The following PALM3 variants were observed in gnomAD, a reference collection of about 807,000 sequenced individuals.
PALM3 encodes paralemmin 3, also known as paralemmin-3.
A neutral mutation model predicts 27.9 loss-of-function variants in PALM3; 20 were observed. The observed-to-expected ratio is 0.72, with a 90% confidence interval of 0.50 to 1.04. PALM3 has a LOEUF of 1.04. PALM3 is among the 50% of genes least tolerant of loss of function. The pLI, the probability that PALM3 is intolerant of heterozygous loss-of-function variation, is 0.00. For synonymous variants in PALM3, 328 were observed against 352.7 expected (o/e 0.93, Z 0.79); for missense variants, 814 against 869.4 (o/e 0.94, Z 0.80).
intron 1 of PALM3, among the ~76,000 whole-genome samples, chr19:14,061,537 C>G (rs1435317482): frequency 2.0e-5 from 3 of 152,172 alleles, no homozygotes; most frequent in Non-Finnish European, 4.4e-5. Flanking sequence ...TTGTCTTTCT[C>G]AGGCTGGGAG....
chr19:14,059,035 C>G, intron 2 of PALM3, 80 bp downstream of exon 2: 1 of 1,348,608 alleles, frequency 7.4e-7, no homozygotes, highest in Non-Finnish European at 9.8e-7. Flanking sequence ...GGGCGCTCTC[C>G]GCAGAGATGA....
At chr19:14,056,953 T>C in intron 3 of PALM3, 149 bp from the exon 4 acceptor site, 1 of 809,690 alleles carries the variant, frequency 1.2e-6, no homozygotes, top group East Asian at 2.7e-5. Flanking sequence ...ATGGCCACAG[T>C]GCCCCCCAAC....
chr19:14,053,394 G>C lies in PALM3; in HGVS notation c.*211C>G. On this transcript the variant is annotated 3_prime_UTR_variant, in exon 7 of 7. Coordinates refer to ENST00000669674, the MANE Select transcript of PALM3 (RefSeq NM_001145028.2). ...GAGTGCTTTCACATTTTATTTTCAA[G>C]TATAAAGGCTTCATCGCAGAAGGAG... is the stretch of plus-strand genomic sequence containing the variant. 2 of 481,618 alleles carry C rather than the reference G, an allele frequency of 4.2e-6. No homozygotes were observed. The highest frequency in any genetic ancestry group is 7.6e-5 in the Admixed American group (2 of 26,310). 29.8% of individuals were successfully genotyped at this position (481,618 alleles called of 1,614,324 possible).
chr19:14,054,668 T>C lies in PALM3; in HGVS notation c.1004A>G (p.Asp335Gly), dbSNP rs1211760774. ...ACCCTCAGGGCTGCCCTGGGGCACA[T>C]CTTCCCCTTCTATGGAAGCTGCTGC... The part of the protein sequence containing the change: ...LEAAASIEGE[D>G]VPQGSPEGDG... Residue 335 changes from aspartate to glycine, a missense_variant, in exon 7 of 7, where the codon GAT (aspartate) becomes GGT (glycine). Asp to Gly is a moderately conservative substitution (Grantham distance 94, BLOSUM62 -1). Coordinates refer to ENST00000669674, the MANE Select transcript of PALM3 (RefSeq NM_001145028.2). 3.9e-6 allele frequency: 6 copies of C among 1,551,224 alleles called. No individual in the cohort carries two copies. The highest frequency in any genetic ancestry group is 5.2e-6 in the Non-Finnish European group (6 of 1,146,776).
intron 1 of PALM3, among the ~76,000 whole-genome samples, chr19:14,061,512 C>T (rs1030984200): frequency 6.6e-6 from 1 of 152,128 alleles, no homozygotes; most frequent in Non-Finnish European, 1.5e-5. Flanking sequence ...GGAGGTCATC[C>T]TTGCAATGTT....
At position 14,056,740 on chromosome 19, in the gene PALM3, T is replaced by C. The variant is rs540010197; in HGVS notation, c.236A>G (p.Asp79Gly). 1 of 1,551,484 alleles carries C rather than the reference T, an allele frequency of 6.4e-7. No individual in the cohort carries two copies. Among genetic ancestry groups the C allele is most frequent in the East Asian group, 2.4e-5 (1 of 40,914 alleles). ...TGACTGGGGGTCCTTCGAGGTGGGG[T>C]CTTCGGATGGCTCTGGCACTGCAGC... ...GAAAVPEPSEDPTSKDPQSPE... is the reference protein window; with the variant it reads ...GAAAVPEPSEGPTSKDPQSPE... Residue 79 changes from aspartate (D) to glycine (G), a missense_variant, in exon 4 of 7, where the codon GAC (aspartate) becomes GGC (glycine). Asp to Gly is a moderately conservative substitution (Grantham distance 94). Coordinates refer to ENST00000669674, the MANE Select transcript of PALM3 (RefSeq NM_001145028.2).
intron 2 of PALM3, among the ~76,000 whole-genome samples, chr19:14,058,682 A>G (rs1388992646): frequency 1.3e-5 from 2 of 151,862 alleles, no homozygotes; most frequent in Non-Finnish European, 2.9e-5. Flanking sequence ...GGAAGGATGC[A>G]GGACAGAGAT....
chr19:14,054,993 C>A lies in PALM3; in HGVS notation c.679G>T (p.Ala227Ser), dbSNP rs776163754. The A allele has an allele frequency of 3.9e-6, 6 of 1,548,264 alleles. No individual in the cohort carries two copies. The South Asian group carries it at 7.2e-5, about 19-fold the overall frequency. Residue 227 changes from alanine to serine, a missense_variant, in exon 7 of 7, where the codon GCC becomes TCC. Transcript: ENST00000669674. ...AVPSEGRVGE[A>S]KGGGVVSVVW... Reference sequence around the variant, plus strand: ...ACACTCACCACGCCCCCTCCTTTGGCCTCACCCACCCGCCCTTCGGATGGC... The same window carrying A: ...ACACTCACCACGCCCCCTCCTTTGGACTCACCCACCCGCCCTTCGGATGGC...
chr19:14,056,565 C>T, intron 4 of PALM3, 52 bp from the exon 5 acceptor site: 1 of 1,549,674 alleles, frequency 6.5e-7, no homozygotes, highest in Non-Finnish European at 8.7e-7. Flanking sequence ...TCCTTGGGCT[C>T]CTAGACTCAA....
At chr19:14,056,617 C>T (rs1376404848) in intron 4 of PALM3, 45 bp downstream of exon 4, 5 of 1,551,576 alleles carry the variant, frequency 3.2e-6, no homozygotes, top group South Asian at 2.4e-5. Flanking sequence ...TCGATCTCAC[C>T]CAGCTGGGGC....
chr19:14,057,467 G>C, intron 2 of PALM3, 36 bp from the exon 3 acceptor site: 1 of 1,490,740 alleles, frequency 6.7e-7, no homozygotes, highest in Non-Finnish European at 9.0e-7. Flanking sequence ...CCGCCGGCCG[G>C]GCGCGGCCTC....
rs1976258954 is a variant in PALM3 at position 14,054,502 on chromosome 19, G to T, written c.1170C>A (p.Ser390Arg). Reference protein sequence around the residue: ...EVAGRERGDESPLGAEGAKTG... With the variant: ...EVAGRERGDERPLGAEGAKTG... Reference sequence around the variant, plus strand: ...TCTTGGCCCCCTCGGCCCCCAGCGGGCTTTCATCTCCTCTCTCCCTCCCTG... The same window carrying T: ...TCTTGGCCCCCTCGGCCCCCAGCGGTCTTTCATCTCCTCTCTCCCTCCCTG... The change falls in exon 7 of 7, where the codon AGC becomes AGA. Residue 390 changes from serine to arginine, a missense_variant. By Grantham distance (110) the Ser-to-Arg change is moderately radical (BLOSUM62 -1). Transcript: ENST00000669674. The T allele has an allele frequency of 1.3e-6, 2 of 1,550,842 alleles. No homozygotes were observed. Among genetic ancestry groups the T allele is most frequent in the Non-Finnish European group, 1.7e-6 (2 of 1,146,652 alleles).
rs1230085054 is a variant in PALM3 at position 14,057,315 on chromosome 19, C to T, written c.171+36G>A. 2.7e-6 allele frequency: 4 copies of T among 1,495,246 alleles called. No homozygotes were observed. In the African/African-American group the frequency reaches 5.6e-5, roughly 21 times the overall value. 92.6% of individuals were successfully genotyped at this position (1,495,246 alleles called of 1,614,324 possible). A position where few individuals can be genotyped will look rare whatever the true frequency, so the allele number is the denominator to read the frequency against. On this transcript the variant is annotated intron_variant, in intron 3 of 6. Transcript: ENST00000669674. The stretch of plus-strand genomic sequence containing the variant: ...TTGCACAGACACCCCCCACTCCATT[C>T]CCCAGGCTAGGCAGGCGCCCCCGCC...
In PALM3 at chr19:14,055,064, G is replaced by A. The variant is rs201934041; in HGVS notation, c.608C>T (p.Pro203Leu). ...GDSSEANGPC[P>L]SPIPTPEQGL... ...CTGCTCTGGAGTGGGGATGGGGCTG[G>A]GGCATGGGCCATTGGCTTCTGAGGA... Residue 203 changes from proline to leucine, a missense_variant, in exon 7 of 7, where the codon CCC becomes CTC. Coordinates refer to ENST00000669674, the MANE Select transcript of PALM3 (RefSeq NM_001145028.2). The A allele has an allele frequency of 1.9e-3, 2,909 of 1,551,592 alleles. 4 individuals carry two copies. Among genetic ancestry groups the A allele is most frequent in the Non-Finnish European group, 2.2e-3 (2,559 of 1,146,966 alleles).
At chr19:14,055,491 A>G in intron 5 of PALM3, 66 bp from the exon 6 acceptor site, 1 of 1,511,228 alleles carries the variant, frequency 6.6e-7, no homozygotes, top group Non-Finnish European at 9.0e-7. Flanking sequence ...CCTGCATGCT[A>G]GGCTCCCACC....
At chr19:14,061,833 C>T (rs1313798427) in intron 1 of PALM3, 107 bp downstream of exon 1, 9 of 718,518 alleles carry the variant, frequency 1.3e-5, no homozygotes, top group Non-Finnish European at 1.4e-5. Flanking sequence ...CCCGGGTCCC[C>T]TTAGGAGAGA....
chr19:14,057,501 TC>T, intron 2 of PALM3, 70 bp from the exon 3 acceptor site: 1 of 1,202,402 alleles, frequency 8.3e-7, no homozygotes, highest in South Asian at 1.6e-5. Flanking sequence ...TCCCTCCCTT[TC>T]CCCTCCCTCC....
rs767462098 is a variant in PALM3, at chr19:14,054,023, T to C, written c.1649A>G (p.Glu550Gly). Residue 550 changes from glutamate (E) to glycine (G), a missense_variant, in exon 7 of 7, where the codon GAG (glutamate) becomes GGG (glycine). By Grantham distance (98) the Glu-to-Gly change is moderately conservative (BLOSUM62 -2). Transcript: ENST00000669674. ...CCCTTGTTCTAGATTCAGATCTCCC[T>C]CCGTCCCTTGGGTCTTCTCTGTCTC... ...SLETEKTQGT[E>G]GDLNLEQGSR... is the part of the protein sequence containing the mutation. The C allele has an allele frequency of 2.1e-5, 32 of 1,551,624 alleles. 1 individual carries two copies. The South Asian group carries it at 3.7e-4, about 18-fold the overall frequency.
rs527648779 is a variant in PALM3, at chr19:14,059,145, G to A, written c.60C>T (p.Ser20=). The A allele has an allele frequency of 5.5e-5, 79 of 1,437,278 alleles. No homozygotes were observed. In the African/African-American group the frequency reaches 1.1e-3, roughly 20 times the overall value. 89.0% of individuals were successfully genotyped at this position (1,437,278 alleles called of 1,614,324 possible). ...LATPMPMAES[S]LYRQRLEVIA... The stretch of plus-strand genomic sequence containing the variant: ...TGACTTCTAGCCGCTGCCGGTAGAG[G>A]GAGCTCTCCGCCATGGGCCTGTTGG... Residue 20 remains serine (S), a synonymous_variant, in exon 2 of 7, where the codon TCC becomes TCT. Coordinates refer to ENST00000669674, the MANE Select transcript of PALM3 (RefSeq NM_001145028.2).
Sources: gnomAD v4.1 joint callset for allele counts (sites outside exome capture counted in the v4.1 genomes callset) on GRCh38, gnomAD v4.1.1 for gene constraint, MANE v1.5 for transcripts, NCBI Gene and HGNC (gene_info 2026-07-23, HGNC 2026-07-21) for gene names.